MROH6: variants seen among roughly 807,000 people sequenced by gnomAD.
The protein encoded by MROH6 is maestro heat-like repeat-containing protein family member 6.
A neutral mutation model predicts 67.7 loss-of-function variants in MROH6; 62 were observed. The observed-to-expected ratio is 0.92, with a 90% CI of 0.75 to 1.13. The LOEUF is 1.13. MROH6 is among the 50% of genes most tolerant of loss of function. The probability of loss-of-function intolerance (pLI) is 0.00; values close to 1 mark genes in which losing one functional copy is unlikely to be tolerated. For missense variants in MROH6, 1,175 were observed against 1,029.1 expected (o/e 1.14, Z -1.94); for synonymous variants, 566 against 470.8 (o/e 1.20, Z -2.62).
Position 143,568,600 on chromosome 8 carries a change from G to C in MROH6, c.1596C>G (p.Leu532=), listed in dbSNP as rs771911863. The change falls in exon 10 of 14, where the codon CTC becomes CTG. Residue 532 remains leucine (L), a synonymous_variant. Coordinates refer to ENST00000398882, the MANE Select transcript of MROH6 (RefSeq NM_001100878.2). The part of the protein sequence containing the change: ...GPLRKLVLQS[L]VPLLLRLHDP... ...CATGCAGGCGCAGCAGCAGCGGCACGAGACTCTGCAGCACCAGCTTCCGCA... is the reference window on the plus strand; with the variant it reads ...CATGCAGGCGCAGCAGCAGCGGCACCAGACTCTGCAGCACCAGCTTCCGCA... The C allele has an allele frequency of 1.3e-6, 2 of 1,546,920 alleles. No homozygotes were observed. Among genetic ancestry groups the C allele is most frequent in the Non-Finnish European group, 8.7e-7 (1 of 1,153,308 alleles).
Position 143,570,528 on chromosome 8 carries a change from C to G in MROH6, c.850G>C (p.Asp284His). The G allele has an allele frequency of 1.9e-6, 3 of 1,612,118 alleles. No homozygotes were observed. The highest frequency in any genetic ancestry group is 2.2e-5 in the South Asian group (2 of 91,076). ...GACAGAACCCAAATCTTGGGCATGT[C>G]GGGGGAGCACGGGCTGCGGGCCAGC... The part of the protein sequence containing the change: ...HKLARSPCSP[D>H]MPKIWVLSHR... The change falls in exon 5 of 14, where the codon GAC becomes CAC. Residue 284 changes from aspartate to histidine, a missense_variant. Transcript: ENST00000398882.
In MROH6 at chr8:143,566,327, T is replaced by A. The variant is rs918830348; in HGVS notation, c.*912A>T. On this transcript the variant is annotated 3_prime_UTR_variant, in exon 14 of 14. Coordinates refer to ENST00000398882, the MANE Select transcript of MROH6 (RefSeq NM_001100878.2). ...CAGCCCTTCACAAGGCTGCACACAC[T>A]CCCTGTGCACTCGCAGAGGCTTCTC... 2.6e-5 allele frequency: 4 copies of A among 152,210 alleles called. No homozygotes were observed. Among genetic ancestry groups the A allele is most frequent in the African/African-American group, 9.7e-5 (4 of 41,426 alleles). The allele number at this position is 152,210 out of a possible 1,614,324, so 9.4% of individuals were successfully genotyped here. A position where few individuals can be genotyped will look rare whatever the true frequency, so the allele number is the denominator to read the frequency against.
Position 143,567,903 on chromosome 8 carries a change from G to T in MROH6, c.1765-15C>A, listed in dbSNP as rs992193597. ...TATCGCTGAACCTGGGGACAAAAGG[G>T]CTAGTGGCAGGACAGGAGGGCTGAT... is the stretch of plus-strand genomic sequence containing the variant. On this transcript the variant is annotated splice_polypyrimidine_tract_variant and intron_variant, in intron 11 of 13. Transcript: ENST00000398882. The T allele has an allele frequency of 1.3e-6, 2 of 1,518,168 alleles. No homozygotes were observed. Among genetic ancestry groups the T allele is most frequent in the South Asian group, 1.3e-5 (1 of 75,368 alleles). The allele number at this position is 1,518,168 out of a possible 1,614,324, so 94.0% of individuals were successfully genotyped here. A position where few individuals can be genotyped will look rare whatever the true frequency, so the allele number is the denominator to read the frequency against.
rs1823905764 is a variant in MROH6, at chr8:143,569,934, C to A, written c.1158+17G>T. 6 of 1,612,392 alleles carry A rather than the reference C, an allele frequency of 3.7e-6. No individual in the cohort carries two copies. The South Asian group carries it at 6.6e-5, about 18-fold the overall frequency. ...TCCAGGGTCACCCTTCACCACCCAT[C>A]CGGGAAGCAGGCTCACCCCTGTGAA... is the stretch of plus-strand genomic sequence containing the variant. On this transcript the variant is annotated intron_variant, in intron 7 of 13. Coordinates refer to ENST00000398882, the MANE Select transcript of MROH6 (RefSeq NM_001100878.2).
chr8:143,567,615 G>C lies in MROH6; in HGVS notation c.1929C>G (p.Phe643Leu). Reference sequence around the variant, plus strand: ...CCTGGCAAGGTGGGGCCTCACCCTGGAACAGGGAGTCCAGCAGGTCCTGGT... The same window carrying C: ...CCTGGCAAGGTGGGGCCTCACCCTGCAACAGGGAGTCCAGCAGGTCCTGGT... ...CVNQDLLDSLFQDLGRLQSDP... is the reference protein window; with the variant it reads ...CVNQDLLDSLLQDLGRLQSDP... The change falls in exon 13 of 14, where the codon TTC becomes TTG. Residue 643 changes from phenylalanine to leucine, a missense_variant. Coordinates refer to ENST00000398882, the MANE Select transcript of MROH6 (RefSeq NM_001100878.2). The C allele has an allele frequency of 1.9e-6, 3 of 1,561,658 alleles. No individual in the cohort carries two copies. The highest frequency in any genetic ancestry group is 2.4e-5 in the South Asian group (2 of 84,816).
In MROH6 at chr8:143,567,648, G is replaced by A. The variant is rs1397884608; in HGVS notation, c.1896C>T (p.Gly632=). ...IGFLVHHASP[G]CVNQDLLDSL... is the part of the protein sequence containing the mutation. Reference sequence around the variant, plus strand: ...AGTCCAGCAGGTCCTGGTTGACACAGCCGGGGCTGGCGTGGTGGACAAGGA... The same window carrying A: ...AGTCCAGCAGGTCCTGGTTGACACAACCGGGGCTGGCGTGGTGGACAAGGA... Residue 632 remains glycine (G), a synonymous_variant, in exon 13 of 14, where the codon GGC becomes GGT. Coordinates refer to ENST00000398882, the MANE Select transcript of MROH6 (RefSeq NM_001100878.2). The A allele has an allele frequency of 1.3e-6, 2 of 1,574,236 alleles. No individual in the cohort carries two copies. Among genetic ancestry groups the A allele is most frequent in the Admixed American group, 1.8e-5 (1 of 54,264 alleles).
At chr8:143,570,093 G>A (rs752953661) in intron 6 of MROH6, 28 bp from the exon 7 acceptor site, 15 of 1,598,794 alleles carry the variant, frequency 9.4e-6, no homozygotes, top group South Asian at 5.5e-5. Context: ...GGGAGCTCTC[G>A]CTCCGTTTGG....
At chr8:143,571,571 C>T in intron 3 of MROH6, 96 bp downstream of exon 3, 1 of 1,494,676 alleles carries the variant, frequency 6.7e-7, no homozygotes, top group Non-Finnish European at 9.0e-7. Flanking sequence ...GGCCCTGCCC[C>T]TTTTCAGCTC....
chr8:143,570,209 G>A (rs1445547189), intron 6 of MROH6, 34 bp downstream of exon 6: 1 of 1,436,860 alleles, frequency 7.0e-7, no homozygotes, highest in Non-Finnish European at 9.5e-7. Context: ...TCTTCCTGGT[G>A]TGACACCCTG....
rs1824008119 is a variant in MROH6, at chr8:143,571,071, G to A, written c.603-77C>T. The A allele has an allele frequency of 4.0e-6, 5 of 1,243,886 alleles. No individual in the cohort carries two copies. In the East Asian group the frequency reaches 7.7e-5, roughly 19 times the overall value. The allele number at this position is 1,243,886 out of a possible 1,614,324, so 77.1% of individuals were successfully genotyped here. A position where few individuals can be genotyped will look rare whatever the true frequency, so the allele number is the denominator to read the frequency against. The stretch of plus-strand genomic sequence containing the variant: ...GGAATGTAGGGAGTCCCCAGCCAGG[G>A]TGGAGGCAGCCAGTAGGACTCCAGC... On this transcript the variant is annotated intron_variant, in intron 3 of 13. Coordinates refer to ENST00000398882, the MANE Select transcript of MROH6 (RefSeq NM_001100878.2).
In MROH6 at chr8:143,569,677, C is replaced by CGA. The variant is rs1823883263; in HGVS notation, c.1302+19_1302+20insTC. 6.2e-7 allele frequency: 1 copy of CGA among 1,610,644 alleles called. No homozygotes were observed. Among genetic ancestry groups the CGA allele is most frequent in the Non-Finnish European group, 8.5e-7 (1 of 1,178,134 alleles). ...CGCGACCGGGCCAAGCCCCTCTCCA[C>CGA]CCCTCCCCTTCTCTCACACCTTCCT... On this transcript the variant is annotated intron_variant, in intron 8 of 13. Coordinates refer to ENST00000398882, the MANE Select transcript of MROH6 (RefSeq NM_001100878.2).
chr8:143,569,520 C>T lies in MROH6; in HGVS notation c.1397G>A (p.Arg466Lys). 2 of 1,500,814 alleles carry T rather than the reference C, an allele frequency of 1.3e-6. No individual in the cohort carries two copies. Among genetic ancestry groups the T allele is most frequent in the South Asian group, 1.2e-5 (1 of 80,090 alleles). The allele number at this position is 1,500,814 out of a possible 1,614,324, so 93.0% of individuals were successfully genotyped here. A position where few individuals can be genotyped will look rare whatever the true frequency, so the allele number is the denominator to read the frequency against. Residue 466 changes from arginine (R) to lysine (K), a missense_variant, in exon 9 of 14, where the codon AGG (arginine) becomes AAG (lysine). Transcript: ENST00000398882. ...AGGCGCCCGGGGCCGCAGCAGGAGCCTCCTCAGGGCGCCCAGCGCTGCACC... is the reference window on the plus strand; with the variant it reads ...AGGCGCCCGGGGCCGCAGCAGGAGCTTCCTCAGGGCGCCCAGCGCTGCACC... ...LVGAALGALR[R>K]LLLRPRAPVR...
Position 143,567,871 on chromosome 8 carries a change from G to A in MROH6, c.1782C>T (p.Gly594=). The change falls in exon 12 of 14, where the codon GGC becomes GGT. Residue 594 remains glycine (G), a synonymous_variant. Coordinates refer to ENST00000398882, the MANE Select transcript of MROH6 (RefSeq NM_001100878.2). ...LCCRLVQRYP[G]HVPNFLSQTQ... Reference sequence around the variant, plus strand: ...TCTGGCTCAGGAAGTTGGGCACGTGGCCTGGGTATCGCTGAACCTGGGGAC... The same window carrying A: ...TCTGGCTCAGGAAGTTGGGCACGTGACCTGGGTATCGCTGAACCTGGGGAC... 4 of 1,527,924 alleles carry A rather than the reference G, an allele frequency of 2.6e-6. No homozygotes were observed. Among genetic ancestry groups the A allele is most frequent in the Non-Finnish European group, 3.5e-6 (4 of 1,139,980 alleles). The allele number at this position is 1,527,924 out of a possible 1,614,324, so 94.6% of individuals were successfully genotyped here. A position where few individuals can be genotyped will look rare whatever the true frequency, so the allele number is the denominator to read the frequency against.
At chr8:143,571,016 G>A (rs374662133) in intron 3 of MROH6, 22 bp from the exon 4 acceptor site, 144 of 1,544,744 alleles carry the variant, frequency 9.3e-5, no homozygotes, top group Admixed American at 4.3e-4. Context: ...GAGGGGGCTG[G>A]TGTGAGACAA....
chr8:143,571,970 T>TC, intron 2 of MROH6, 63 bp downstream of exon 2: 1 of 1,458,634 alleles, frequency 6.9e-7, no homozygotes, highest in African/African-American at 1.5e-5. Context: ...TCCAGGCCCC[T>TC]CCCACCACCT....
chr8:143,568,362 G>T, intron 10 of MROH6, 101 bp from the exon 11 acceptor site: 2 of 1,487,724 alleles, frequency 1.3e-6, no homozygotes, highest in Non-Finnish European at 9.0e-7. Flanking sequence ...AGGGGCAGAA[G>T]AGCCCAGGGC....
chr8:143,568,084 T>C (rs574898431), intron 11 of MROH6, 58 bp downstream of exon 11: 3 of 1,543,798 alleles, frequency 1.9e-6, no homozygotes, highest in South Asian at 2.4e-5. Context: ...CGGTGAACCC[T>C]GGAACAAGTG....
chr8:143,571,081 C>T (rs1177851640), intron 3 of MROH6, 87 bp from the exon 4 acceptor site: 4 of 1,045,562 alleles, frequency 3.8e-6, no homozygotes, highest in Non-Finnish European at 4.3e-6. Flanking sequence ...GTGGAGGCAG[C>T]CAGTAGGACT....
chr8:143,570,763 A>G lies in MROH6; in HGVS notation c.721-106T>C, dbSNP rs577953828. The G allele has an allele frequency of 6.6e-3, 9,424 of 1,426,820 alleles. 36 individuals are homozygous for G. Among genetic ancestry groups the G allele is most frequent in the Middle Eastern group, 0.011 (57 of 5,250 alleles). The allele number at this position is 1,426,820 out of a possible 1,614,324, so 88.4% of individuals were successfully genotyped here. A position where few individuals can be genotyped will look rare whatever the true frequency, so the allele number is the denominator to read the frequency against. ...AGGATGGGGACAGCCTCAGACACGC[A>G]TGGGACATTCCAGGAGCAGTTACCT... On this transcript the variant is annotated intron_variant, in intron 4 of 13. Transcript: ENST00000398882.
Sources: gnomAD v4.1 joint callset for allele counts on GRCh38, gnomAD v4.1.1 for gene constraint, MANE v1.5 for transcripts, NCBI Gene and HGNC (gene_info 2026-07-23, HGNC 2026-07-21) for gene names.